ADAP2: variants seen among roughly 807,000 people sequenced by gnomAD.
The protein encoded by ADAP2 is arf-GAP with dual PH domain-containing protein 2.
In ADAP2, 42 loss-of-function variants were observed where a neutral mutation model predicts 54.9. That is an observed-to-expected ratio of 0.77 (90% CI 0.60 to 0.99). The LOEUF (loss-of-function observed/expected upper bound fraction) is 0.99, where lower values mean the gene tolerates loss of function less well. ADAP2 is among the 50% of genes least tolerant of loss of function. The pLI is 0.00. For synonymous variants in ADAP2, 177 were observed against 180.1 expected (o/e 0.98, Z 0.14); for missense variants, 429 against 480.4 (o/e 0.89, Z 1.00).
intron 5 of ADAP2, among the ~76,000 whole-genome samples, chr17:30,942,090 G>C (rs983863532): frequency 2.0e-5 from 3 of 152,044 alleles, no homozygotes; most frequent in African/African-American, 7.2e-5. Flanking sequence ...ATTTTTAGTA[G>C]AGACAGGATT....
At chr17:30,954,859 G>A (rs776628806) in intron 9 of ADAP2, among the ~76,000 whole-genome samples, 59 of 152,148 alleles carry the variant, frequency 3.9e-4, no homozygotes, top group Non-Finnish European at 6.3e-4. Context: ...GCCGTGATGT[G>A]TAGTAGTTAG....
At chr17:30,922,882 G>GC in intron 1 of ADAP2, 58 bp from the exon 2 acceptor site, 1 of 1,592,922 alleles carries the variant, frequency 6.3e-7, no homozygotes, top group South Asian at 1.1e-5. Context: ...CCCGAGCCCA[G>GC]CCCTGGTTTC....
At position 30,921,988 on chromosome 17, in the gene ADAP2, A is replaced by G; in HGVS notation, c.-27A>G. ...GGCGGAGCGCACGGGCCATGGGCTGAGCCCCGCTGAGCCCGCCGGGCCGGC... is the reference window on the plus strand; with the variant it reads ...GGCGGAGCGCACGGGCCATGGGCTGGGCCCCGCTGAGCCCGCCGGGCCGGC... On this transcript the variant is annotated 5_prime_UTR_variant, in exon 1 of 11. The change abolishes the stop of an existing upstream ORF in the 5' untranslated region. Coordinates refer to ENST00000330889, the MANE Select transcript of ADAP2 (RefSeq NM_018404.3). 8.0e-7 allele frequency: 1 copy of G among 1,257,116 alleles called. No individual in the cohort carries two copies. The highest frequency in any genetic ancestry group is 1.0e-6 in the Non-Finnish European group (1 of 1,003,170). The allele number at this position is 1,257,116 out of a possible 1,614,324, so 77.9% of individuals were successfully genotyped here.
intron 2 of ADAP2, 73 bp from the exon 3 acceptor site, chr17:30,926,754 G>A (rs1911082055): frequency 1.5e-6 from 2 of 1,367,178 alleles, no homozygotes; most frequent in South Asian, 1.2e-5. Flanking sequence ...CTCAGCCTAA[G>A]TCAGTGGCCT....
intron 7 of ADAP2, among the ~76,000 whole-genome samples, 194 bp downstream of exon 7, chr17:30,949,564 C>T (rs956319644): frequency 7.2e-5 from 11 of 151,798 alleles, no homozygotes; most frequent in African/African-American, 2.2e-4. Flanking sequence ...CTGGCTAGCA[C>T]GGTGAAACCC....
Position 30,926,780 on chromosome 17 carries a change from C to T in ADAP2, c.226-47C>T, listed in dbSNP as rs746069769. ...TCAGTGGCCTCATAGTTTCATTTCA[C>T]GTTTTTTCAAGTTCTAATATTACCT... On this transcript the variant is annotated intron_variant, in intron 2 of 10. Coordinates refer to ENST00000330889, the MANE Select transcript of ADAP2 (RefSeq NM_018404.3). 116 of 1,544,762 alleles carry T rather than the reference C, an allele frequency of 7.5e-5. 1 individual carries two copies. In the East Asian group the frequency reaches 8.5e-4, roughly 11 times the overall value.
intron 5 of ADAP2, among the ~76,000 whole-genome samples, chr17:30,936,013 T>C (rs2063363528): frequency 6.6e-6 from 1 of 152,142 alleles, no homozygotes; most frequent in African/African-American, 2.4e-5. Context: ...ATCACCACAA[T>C]TCAGTTAAAA....
rs745319200 is a variant in ADAP2, at chr17:30,944,960, G to A, written c.564G>A (p.Gln188=). The A allele has an allele frequency of 9.3e-6, 15 of 1,614,022 alleles. No individual in the cohort carries two copies. The African/African-American group carries it at 1.9e-4, about 20-fold the overall frequency. Residue 188 remains glutamine, a synonymous_variant, in exon 6 of 11, where the codon CAG becomes CAA. Coordinates refer to ENST00000330889, the MANE Select transcript of ADAP2 (RefSeq NM_018404.3). The part of the protein sequence containing the change: ...ISIKDLNATF[Q]TEKIGHPHGL... ...TTAAGGACTTGAATGCCACCTTCCA[G>A]ACAGAGAAGATAGGGCACCCCCATG...
chr17:30,923,148 C>T (rs541127640), intron 2 of ADAP2, 78 bp downstream of exon 2: 26 of 1,538,486 alleles, frequency 1.7e-5, no homozygotes, highest in Non-Finnish European at 2.2e-5. Flanking sequence ...TCCCATTCTA[C>T]AGAGGGGGAA....
chr17:30,923,812 G>A (rs1006082846), intron 2 of ADAP2, among the ~76,000 whole-genome samples: 1 of 142,486 alleles, frequency 7.0e-6, no homozygotes, highest in Non-Finnish European at 1.5e-5. Context: ...CAATTCTCCT[G>A]CCTCAGCCTC....
chr17:30,943,748 G>A (rs1458380859), intron 5 of ADAP2, among the ~76,000 whole-genome samples: 1 of 152,126 alleles, frequency 6.6e-6, no homozygotes, highest in South Asian at 2.1e-4. Flanking sequence ...TCAGGAGGCT[G>A]AGGCAGGAGA....
At chr17:30,956,737 T>C (rs2142608860) in intron 10 of ADAP2, 1 of 493,872 alleles carries the variant, frequency 2.0e-6, no homozygotes, top group Non-Finnish European at 3.7e-6. Context: ...GGGTGCTGTC[T>C]GTACCCCTTG....
intron 2 of ADAP2, among the ~76,000 whole-genome samples, chr17:30,923,357 C>A (rs550352563): frequency 2.6e-5 from 4 of 151,346 alleles, no homozygotes; most frequent in African/African-American, 7.3e-5. Flanking sequence ...CGCTGCCTCC[C>A]GGGTTCAAGT....
chr17:30,939,273 C>G (rs531984033), intron 5 of ADAP2, among the ~76,000 whole-genome samples: 36 of 152,178 alleles, frequency 2.4e-4, no homozygotes, highest in African/African-American at 8.4e-4. Context: ...CAGTCCTACG[C>G]CAGTTCAGTC....
chr17:30,958,887 CAA>C lies in ADAP2; in HGVS notation c.*1031_*1032del, dbSNP rs36110127. On this transcript the variant is annotated 3_prime_UTR_variant, in exon 11 of 11. Transcript: ENST00000330889. ...TGGGTGACAGAGTGAGACCCTATCT[CAA>C]AAAAAAAAAAAATCTATGCATTGTA... 5.6e-5 allele frequency: 8 copies of C among 142,166 alleles called. No individual in the cohort carries two copies. The highest frequency in any genetic ancestry group is 9.4e-5 in the Non-Finnish European group (6 of 64,102). 8.8% of individuals were successfully genotyped at this position (142,166 alleles called of 1,614,324 possible). A position where few individuals can be genotyped will look rare whatever the true frequency, so the allele number is the denominator to read the frequency against.
At chr17:30,928,892 G>T (rs1911274997) in intron 3 of ADAP2, among the ~76,000 whole-genome samples, 2 of 152,182 alleles carry the variant, frequency 1.3e-5, no homozygotes, top group African/African-American at 2.4e-5. Flanking sequence ...TGTAAATGGG[G>T]AGAAGGAATC....
intron 7 of ADAP2, among the ~76,000 whole-genome samples, chr17:30,950,335 G>A (rs776378385): frequency 1.2e-4 from 18 of 152,166 alleles, no homozygotes; most frequent in Non-Finnish European, 2.1e-4. Flanking sequence ...AGGGAGACCC[G>A]CATGGTGTAG....
At position 30,942,961 on chromosome 17, in the gene ADAP2, T is replaced by C. The variant is rs541784045; in HGVS notation, c.511-1946T>C. Among the ~76,000 whole-genome samples the C allele has an allele frequency of 3.9e-5, 6 of 152,344 alleles. No homozygotes were observed. The South Asian group carries it at 1.2e-3, about 32-fold the overall frequency. ...ACACACTTGTGGCAGGAATGTAAAT[T>C]AGTTCAGCCACGGTAGAAAGCAGTT... is the stretch of plus-strand genomic sequence containing the variant. On this transcript the variant is annotated intron_variant, in intron 5 of 10. Coordinates refer to ENST00000330889, the MANE Select transcript of ADAP2 (RefSeq NM_018404.3).
chr17:30,957,981 C>A lies in ADAP2; in HGVS notation c.*112C>A. On this transcript the variant is annotated 3_prime_UTR_variant, in exon 11 of 11. Coordinates refer to ENST00000330889, the MANE Select transcript of ADAP2 (RefSeq NM_018404.3). Reference sequence around the variant, plus strand: ...CAGTGCCCCGCAGTCAGCAGCCATTCCTGGCAGTGAACTCTGCCAGGACTG... The same window carrying A: ...CAGTGCCCCGCAGTCAGCAGCCATTACTGGCAGTGAACTCTGCCAGGACTG... 9.6e-7 allele frequency: 1 copy of A among 1,046,880 alleles called. No homozygotes were observed. Among genetic ancestry groups the A allele is most frequent in the Non-Finnish European group, 1.5e-6 (1 of 687,202 alleles). The allele number at this position is 1,046,880 out of a possible 1,614,324, so 64.8% of individuals were successfully genotyped here. A position where few individuals can be genotyped will look rare whatever the true frequency, so the allele number is the denominator to read the frequency against.
Sources: allele counts gnomAD v4.1 joint callset (sites outside exome capture counted in the v4.1 genomes callset), GRCh38; gene constraint gnomAD v4.1.1; transcripts MANE v1.5; gene names NCBI Gene and HGNC (gene_info 2026-07-23, HGNC 2026-07-21).